BEND4: variants seen among roughly 807,000 people sequenced by gnomAD.
The protein encoded by BEND4 is BEN domain-containing protein 4.
In BEND4, 27 loss-of-function variants were observed where a neutral mutation model predicts 54.7. The ratio of observed to expected loss-of-function variants is 0.49; its 90% CI spans 0.36 to 0.68. BEND4 has a LOEUF of 0.68. Among genes scored for constraint, BEND4 ranks in the 30% least tolerant of loss-of-function variants. The probability of loss-of-function intolerance (pLI) is 0.00; values close to 1 mark genes in which losing one functional copy is unlikely to be tolerated. For synonymous variants in BEND4, 327 were observed against 299.5 expected, an observed-to-expected ratio of 1.09 and a Z score of -0.95; for missense variants, 702 against 697.2, an observed-to-expected ratio of 1.01 and a Z score of -0.08.
chr4:42,123,667 A>G (rs925623088), intron 4 of BEND4, among the ~76,000 whole-genome samples: 1 of 142,692 alleles, frequency 7.0e-6, no homozygotes, highest in South Asian at 2.3e-4. Flanking sequence ...GATTTTAAGC[A>G]TATATTTACT....
chr4:42,123,362 C>T (rs1720136324), intron 4 of BEND4, among the ~76,000 whole-genome samples: 1 of 151,714 alleles, frequency 6.6e-6, no homozygotes, highest in Non-Finnish European at 1.5e-5. Context: ...TTCAATTAGC[C>T]ACCCACAGGT....
intron 3 of BEND4, among the ~76,000 whole-genome samples, chr4:42,128,196 T>A (rs558873507): frequency 6.6e-6 from 1 of 151,962 alleles, no homozygotes; most frequent in Non-Finnish European, 1.5e-5. Flanking sequence ...TATGAAAAAA[T>A]TTTTATAATA....
In BEND4 at chr4:42,120,049, A is replaced by G. The variant is rs1719997592; in HGVS notation, c.1387+5T>C. 3.7e-6 allele frequency: 6 copies of G among 1,614,010 alleles called. No individual in the cohort carries two copies. Among genetic ancestry groups the G allele is most frequent in the East Asian group, 4.5e-5 (2 of 44,884 alleles). On this transcript the variant is annotated splice_donor_5th_base_variant and intron_variant, in intron 5 of 5. Coordinates refer to ENST00000502486, the MANE Select transcript of BEND4 (RefSeq NM_207406.4). ...ATGGTGACACTGAGCGGAAGGATGCAGTACCTCGGAGGCATGTTACTTTAA... is the reference window on the plus strand; with the variant it reads ...ATGGTGACACTGAGCGGAAGGATGCGGTACCTCGGAGGCATGTTACTTTAA...
At position 42,151,727 on chromosome 4, in the gene BEND4, G is replaced by C; in HGVS notation, c.417C>G (p.Gly139=). 1 of 1,505,458 alleles carries C rather than the reference G, an allele frequency of 6.6e-7. No individual in the cohort carries two copies. Among genetic ancestry groups the C allele is most frequent in the Non-Finnish European group, 8.8e-7 (1 of 1,132,222 alleles). The allele number at this position is 1,505,458 out of a possible 1,614,324, so 93.3% of individuals were successfully genotyped here. A position where few individuals can be genotyped will look rare whatever the true frequency, so the allele number is the denominator to read the frequency against. ...TGCCGGCGGCCGCCGCCGCGCCTGGGCCATACCTGACGACAGCGGCGAACG... is the reference window on the plus strand; with the variant it reads ...TGCCGGCGGCCGCCGCCGCGCCTGGCCCATACCTGACGACAGCGGCGAACG... The part of the protein sequence containing the change: ...SSSFAAVVRY[G]PGAAAAAGTG... Residue 139 remains glycine, a synonymous_variant, in exon 2 of 6, where the codon GGC becomes GGG. Transcript: ENST00000502486.
chr4:42,125,522 G>T, intron 4 of BEND4, 61 bp downstream of exon 4: 1 of 1,311,908 alleles, frequency 7.6e-7, no homozygotes, highest in Non-Finnish European at 1.1e-6. Context: ...ACACTGATAA[G>T]TTAATCAAGA....
intron 3 of BEND4, among the ~76,000 whole-genome samples, chr4:42,142,949 A>C (rs10022087): frequency 6.6e-6 from 1 of 152,144 alleles, no homozygotes; most frequent in African/African-American, 2.4e-5. Flanking sequence ...GTACTACTTG[A>C]GTCCTGCCTC....
At chr4:42,129,463 A>G (rs1014581750) in intron 3 of BEND4, among the ~76,000 whole-genome samples, 14 of 152,212 alleles carry the variant, frequency 9.2e-5, no homozygotes, top group South Asian at 4.1e-4. Context: ...GAGCCCATAT[A>G]GCCATGACAA....
chr4:42,125,498 G>T, intron 4 of BEND4, 85 bp downstream of exon 4: 1 of 1,028,858 alleles, frequency 9.7e-7, no homozygotes, highest in Non-Finnish European at 1.5e-6. Context: ...TTGCTAGCCA[G>T]TCTGTTCTGG....
chr4:42,126,436 T>C (rs1228210023), intron 3 of BEND4, among the ~76,000 whole-genome samples: 1 of 152,230 alleles, frequency 6.6e-6, no homozygotes, highest in African/African-American at 2.4e-5. Flanking sequence ...TCCATACAAT[T>C]AGACTTGCTT....
At position 42,116,821 on chromosome 4, in the gene BEND4, C is replaced by A. The variant is rs1719856708; in HGVS notation, c.*697G>T. 1 of 152,184 alleles carries A rather than the reference C, an allele frequency of 6.6e-6. No homozygotes were observed. The highest frequency in any genetic ancestry group is 6.5e-5 in the Admixed American group (1 of 15,280). The allele number at this position is 152,184 out of a possible 1,614,324, so 9.4% of individuals were successfully genotyped here. A position where few individuals can be genotyped will look rare whatever the true frequency, so the allele number is the denominator to read the frequency against. On this transcript the variant is annotated 3_prime_UTR_variant, in exon 6 of 6. Transcript: ENST00000502486. Reference sequence around the variant, plus strand: ...TGAGCATTTGAAAATGGTTTTGGATCTTTGGATGTTTCTTGACTAACAATG... The same window carrying A: ...TGAGCATTTGAAAATGGTTTTGGATATTTGGATGTTTCTTGACTAACAATG...
intron 2 of BEND4, among the ~76,000 whole-genome samples, chr4:42,146,272 G>C (rs867069303): frequency 1.3e-5 from 2 of 152,204 alleles, no homozygotes; most frequent in Non-Finnish European, 2.9e-5. Context: ...ATATGTGTAT[G>C]TGAGGTCCCT....
At chr4:42,134,116 T>C (rs372484312) in intron 3 of BEND4, among the ~76,000 whole-genome samples, 14 of 152,358 alleles carry the variant, frequency 9.2e-5, no homozygotes, top group African/African-American at 2.6e-4. Context: ...TGGGGGAAAC[T>C]GCTCAGATTC....
intron 4 of BEND4, among the ~76,000 whole-genome samples, chr4:42,121,231 G>A (rs544922917): frequency 7.6e-4 from 115 of 152,312 alleles, no homozygotes; most frequent in African/African-American, 2.6e-3. Flanking sequence ...GGATCTGATA[G>A]GGTTTTATTT....
At chr4:42,123,426 C>G (rs989513931) in intron 4 of BEND4, among the ~76,000 whole-genome samples, 3 of 151,728 alleles carry the variant, frequency 2.0e-5, no homozygotes, top group African/African-American at 7.3e-5. Flanking sequence ...AACAAATCAC[C>G]CTTAATTAAT....
chr4:42,150,554 T>C (rs548852379), intron 2 of BEND4, among the ~76,000 whole-genome samples: 2 of 152,362 alleles, frequency 1.3e-5, no homozygotes, highest in Admixed American at 1.3e-4. Context: ...AGTCTCAAGA[T>C]TCACTGACAT....
At chr4:42,119,662 T>C (rs544574994) in intron 5 of BEND4, among the ~76,000 whole-genome samples, 3 of 152,248 alleles carry the variant, frequency 2.0e-5, no homozygotes, top group South Asian at 2.1e-4. Flanking sequence ...TGAGAAGGTA[T>C]TAGAAGGGGA....
At position 42,116,612 on chromosome 4, in the gene BEND4, G is replaced by A. The variant is rs1053732305; in HGVS notation, c.*906C>T. 18 of 152,220 alleles carry A rather than the reference G, an allele frequency of 1.2e-4. No individual in the cohort carries two copies. The highest frequency in any genetic ancestry group is 1.5e-5 in the Non-Finnish European group (1 of 68,046). The allele number at this position is 152,220 out of a possible 1,614,324, so 9.4% of individuals were successfully genotyped here. A position where few individuals can be genotyped will look rare whatever the true frequency, so the allele number is the denominator to read the frequency against. On this transcript the variant is annotated 3_prime_UTR_variant, in exon 6 of 6. Coordinates refer to ENST00000502486, the MANE Select transcript of BEND4 (RefSeq NM_207406.4). ...TGTCAGAATCGCCTTGAAGCTGTGT[G>A]TATACAATGCCAGAACATCTAGTCA... is the stretch of plus-strand genomic sequence containing the variant.
rs1393608964 is a variant in BEND4, at chr4:42,120,307, A to AAT, written c.1147-15_1147-14dup. The AAT allele has an allele frequency of 1.3e-6, 2 of 1,592,010 alleles. No homozygotes were observed. Among genetic ancestry groups the AAT allele is most frequent in the Non-Finnish European group, 1.7e-6 (2 of 1,162,052 alleles). ...GCTGCTTGCTTCCCTGGAAAAGCGA[A>AAT]ATATTTTCTCATTACCCACCGAGCC... On this transcript the variant is annotated splice_polypyrimidine_tract_variant and intron_variant, in intron 4 of 5. Coordinates refer to ENST00000502486, the MANE Select transcript of BEND4 (RefSeq NM_207406.4).
intron 3 of BEND4, among the ~76,000 whole-genome samples, chr4:42,143,120 T>C (rs1366143891): frequency 2.0e-5 from 3 of 152,206 alleles, no homozygotes; most frequent in Non-Finnish European, 4.4e-5. Context: ...CATCAAGAAA[T>C]TATTTTTATA....
Sources: gnomAD v4.1 joint callset for allele counts (sites outside exome capture counted in the v4.1 genomes callset) on GRCh38, gnomAD v4.1.1 for gene constraint, MANE v1.5 for transcripts, NCBI Gene and HGNC (gene_info 2026-07-23, HGNC 2026-07-21) for gene names.